The following MTMR12 variants were observed in gnomAD, a reference collection of about 807,000 sequenced individuals.
The protein encoded by MTMR12 is myotubularin-related protein 12.
A neutral mutation model predicts 96.7 loss-of-function variants in MTMR12; 33 were observed. The ratio of observed to expected loss-of-function variants is 0.34; its 90% CI spans 0.26 to 0.46. MTMR12 has a LOEUF of 0.46. Among genes scored for constraint, MTMR12 ranks in the 20% least tolerant of loss-of-function variants. The pLI, the probability that MTMR12 is intolerant of heterozygous loss-of-function variation, is 1.00. For missense variants in MTMR12, 721 were observed against 896.1 expected (o/e 0.80, Z 2.49); for synonymous variants, 298 against 327.2 (o/e 0.91, Z 0.96).
chr5:32,232,739 C>T (rs1016345816), intron 15 of MTMR12, among the ~76,000 whole-genome samples: 1 of 152,276 alleles, frequency 6.6e-6, no homozygotes, highest in African/African-American at 2.4e-5. Flanking sequence ...AAAGGGGAAA[C>T]TCCACCCTGG....
chr5:32,253,681 G>A (rs1395776826), intron 8 of MTMR12, among the ~76,000 whole-genome samples: 1 of 152,212 alleles, frequency 6.6e-6, no homozygotes, highest in Non-Finnish European at 1.5e-5. Context: ...ACAGTGCAGT[G>A]GCACGATCAC....
intron 1 of MTMR12, among the ~76,000 whole-genome samples, chr5:32,280,627 T>C (rs920454497): frequency 6.6e-6 from 1 of 152,224 alleles, no homozygotes; most frequent in African/African-American, 2.4e-5. Flanking sequence ...AGTTTTTGTC[T>C]TTCTCTATGT....
intron 1 of MTMR12, among the ~76,000 whole-genome samples, chr5:32,283,189 T>C (rs904988999): frequency 1.2e-4 from 19 of 152,334 alleles, no homozygotes; most frequent in African/African-American, 3.1e-4. Flanking sequence ...AACTTTACAA[T>C]TGAATGAGTA....
Position 32,312,662 on chromosome 5 carries a change from C to G in MTMR12, c.81+96G>C, listed in dbSNP as rs1035366390. 1.7e-6 allele frequency: 2 copies of G among 1,146,386 alleles called. No homozygotes were observed. The highest frequency in any genetic ancestry group is 2.2e-6 in the Non-Finnish European group (2 of 896,162). The allele number at this position is 1,146,386 out of a possible 1,614,324, so 71.0% of individuals were successfully genotyped here. A position where few individuals can be genotyped will look rare whatever the true frequency, so the allele number is the denominator to read the frequency against. On this transcript the variant is annotated intron_variant, in intron 1 of 15. Transcript: ENST00000382142. The surrounding 1 kb of genome is among the most constrained non-coding windows in gnomAD (Gnocchi z 5.0). Reference sequence around the variant, plus strand: ...CGTCGCCCGGCACAAGGGCAGGAAGCGCTCCGCGGCGCTCCCCGCTGCAAG... The same window carrying G: ...CGTCGCCCGGCACAAGGGCAGGAAGGGCTCCGCGGCGCTCCCCGCTGCAAG...
chr5:32,282,291 G>C (rs1410599243), intron 1 of MTMR12, among the ~76,000 whole-genome samples: 1 of 151,762 alleles, frequency 6.6e-6, no homozygotes, highest in African/African-American at 2.4e-5. Context: ...GTGTGGTGGC[G>C]GGTGCCTGTA....
rs1326528354 is a variant in MTMR12, at chr5:32,227,131, TC to T, written c.*2646del. The T allele has an allele frequency of 6.6e-6, 1 of 152,644 alleles. No individual in the cohort carries two copies. Among genetic ancestry groups the T allele is most frequent in the African/African-American group, 2.4e-5 (1 of 41,452 alleles). 9.5% of individuals were successfully genotyped at this position (152,644 alleles called of 1,614,324 possible). ...ATACAGGTTTAGCTCAACAGCTTAT[TC>T]CCTTATAAAGAAAAAAAAAGTTTTG... is the stretch of plus-strand genomic sequence containing the variant. On this transcript the variant is annotated 3_prime_UTR_variant, in exon 16 of 16. Coordinates refer to ENST00000382142, the MANE Select transcript of MTMR12 (RefSeq NM_001040446.3).
In MTMR12 at chr5:32,312,912, G is replaced by T. The variant is rs1297624507; in HGVS notation, c.-74C>A. The T allele has an allele frequency of 2.2e-6, 3 of 1,371,148 alleles. No individual in the cohort carries two copies. Among genetic ancestry groups the T allele is most frequent in the Non-Finnish European group, 2.9e-6 (3 of 1,041,430 alleles). The allele number at this position is 1,371,148 out of a possible 1,614,324, so 84.9% of individuals were successfully genotyped here. On this transcript the variant is annotated 5_prime_UTR_variant, in exon 1 of 16. Coordinates refer to ENST00000382142, the MANE Select transcript of MTMR12 (RefSeq NM_001040446.3). The surrounding 1 kb of genome is among the most constrained non-coding windows in gnomAD (Gnocchi z 5.0). ...GGGCTCCAGCTGGGGCAGCAGCGGCGGCCACCAGCACTAGCGGCTGGGGCT... is the reference window on the plus strand; with the variant it reads ...GGGCTCCAGCTGGGGCAGCAGCGGCTGCCACCAGCACTAGCGGCTGGGGCT...
At chr5:32,281,130 C>G (rs960590360) in intron 1 of MTMR12, among the ~76,000 whole-genome samples, 5 of 151,704 alleles carry the variant, frequency 3.3e-5, no homozygotes, top group African/African-American at 1.2e-4. Flanking sequence ...TGCCTGTAAT[C>G]CCAGCTACTC....
At chr5:32,251,735 T>C (rs958315081) in intron 8 of MTMR12, among the ~76,000 whole-genome samples, 29 of 151,946 alleles carry the variant, frequency 1.9e-4, no homozygotes, top group African/African-American at 6.5e-4. Flanking sequence ...AAGGCAACCA[T>C]AGAAGAGGGA....
intron 8 of MTMR12, 113 bp from the exon 9 acceptor site, chr5:32,248,991 C>T (rs78402226): frequency 0.015 from 11,110 of 760,608 alleles, 121 homozygotes; most frequent in Middle Eastern, 0.026. Flanking sequence ...TATGAAATGG[C>T]TGGACATACT....
Position 32,233,128 on chromosome 5 carries a change from C to A in MTMR12, c.1674+645G>T. On this transcript the variant is annotated intron_variant, in intron 15 of 15. Coordinates refer to ENST00000382142, the MANE Select transcript of MTMR12 (RefSeq NM_001040446.3). This position sits in a 1 kb window ranked among gnomAD's most constrained non-coding sequence, Gnocchi z 5.0. ...ATAGCATAGGTCAGCAAACTGGCCA[C>A]CCCTCCGGCCAAATCTGGCCTGGCG... The A allele has an allele frequency of 1.9e-6, 1 of 525,484 alleles. No individual in the cohort carries two copies. Among genetic ancestry groups the A allele is most frequent in the Non-Finnish European group, 2.4e-6 (1 of 409,904 alleles). 32.6% of individuals were successfully genotyped at this position (525,484 alleles called of 1,614,324 possible).
chr5:32,241,093 T>G (rs1312542419), intron 12 of MTMR12, among the ~76,000 whole-genome samples: 1 of 152,216 alleles, frequency 6.6e-6, no homozygotes, highest in Non-Finnish European at 1.5e-5. Context: ...CTGTGATTAA[T>G]GTGTTCTGGC....
At chr5:32,250,618 A>G (rs1165762559) in intron 8 of MTMR12, among the ~76,000 whole-genome samples, 1 of 152,146 alleles carries the variant, frequency 6.6e-6, no homozygotes, top group Admixed American at 6.5e-5. Flanking sequence ...ATAAAGGGGG[A>G]GATACTCTTA....
At position 32,312,673 on chromosome 5, in the gene MTMR12, G is replaced by T; in HGVS notation, c.81+85C>A. 8.3e-7 allele frequency: 1 copy of T among 1,210,404 alleles called. No homozygotes were observed. Among genetic ancestry groups the T allele is most frequent in the Non-Finnish European group, 1.1e-6 (1 of 948,636 alleles). The allele number at this position is 1,210,404 out of a possible 1,614,324, so 75.0% of individuals were successfully genotyped here. On this transcript the variant is annotated intron_variant, in intron 1 of 15. Coordinates refer to ENST00000382142, the MANE Select transcript of MTMR12 (RefSeq NM_001040446.3). This position sits in a 1 kb window ranked among gnomAD's most constrained non-coding sequence, Gnocchi z 5.0. ...ACAAGGGCAGGAAGCGCTCCGCGGC[G>T]CTCCCCGCTGCAAGGAAGGGGCTCC...
At chr5:32,262,459 G>A (rs929127793) in intron 7 of MTMR12, among the ~76,000 whole-genome samples, 1 of 152,034 alleles carries the variant, frequency 6.6e-6, no homozygotes, top group Admixed American at 6.5e-5. Context: ...AAATTAGACA[G>A]GCATGGTGGT....
At position 32,242,076 on chromosome 5, in the gene MTMR12, G is replaced by A. The variant is rs1250778382; in HGVS notation, c.1152C>T (p.Asn384=). Residue 384 remains asparagine, a synonymous_variant, in exon 12 of 16, where the codon AAC becomes AAT. Coordinates refer to ENST00000382142, the MANE Select transcript of MTMR12 (RefSeq NM_001040446.3). ...IEITECMEAQ[N]MNVLLLEENA... ...TATTACCTAAAAGAAGAACATTCAT[G>A]TTTTGTGCTTCCATACATTCTGTAA... 6.2e-7 allele frequency: 1 copy of A among 1,610,440 alleles called. No homozygotes were observed. The highest frequency in any genetic ancestry group is 2.2e-5 in the East Asian group (1 of 44,638).
chr5:32,266,680 T>A (rs1262574995), intron 6 of MTMR12, among the ~76,000 whole-genome samples: 4 of 137,772 alleles, frequency 2.9e-5, no homozygotes, highest in Non-Finnish European at 3.1e-5. Flanking sequence ...AGTGTGAGAG[T>A]CGTCTCAAAA....
intron 8 of MTMR12, among the ~76,000 whole-genome samples, chr5:32,250,984 A>G (rs1165782619): frequency 3.9e-5 from 6 of 151,930 alleles, no homozygotes; most frequent in Non-Finnish European, 8.8e-5. Flanking sequence ...CAAGAATCAC[A>G]GTTTGTTAAT....
intron 1 of MTMR12, among the ~76,000 whole-genome samples, chr5:32,288,765 T>G (rs2112125051): frequency 6.6e-6 from 1 of 152,238 alleles, no homozygotes; most frequent in South Asian, 2.1e-4. Flanking sequence ...AAATATGGAT[T>G]AAAAGATGGC....
Sources: allele counts gnomAD v4.1 joint callset (sites outside exome capture counted in the v4.1 genomes callset), GRCh38; gene constraint gnomAD v4.1.1; non-coding constraint Gnocchi (gnomAD v3.1); transcripts MANE v1.5; gene names NCBI Gene and HGNC (gene_info 2026-07-23, HGNC 2026-07-21).